The following CCDC91 variants were observed in gnomAD, a reference collection of about 807,000 sequenced individuals.
The protein encoded by CCDC91 is coiled-coil domain containing 91.
A neutral mutation model predicts 63.2 loss-of-function variants in CCDC91; 48 were observed. The ratio of observed to expected loss-of-function variants is 0.76; its 90% CI spans 0.60 to 0.97. The LOEUF is 0.97. CCDC91 is among the 50% of genes least tolerant of loss of function. The pLI is 0.00. For missense variants in CCDC91, 500 were observed against 494.6 expected, an observed-to-expected ratio of 1.01 and a Z score of -0.10; for synonymous variants, 167 against 165.8, an observed-to-expected ratio of 1.01 and a Z score of -0.06.
intron 8 of CCDC91, among the ~76,000 whole-genome samples, chr12:28,440,674 A>G (rs1002699126): frequency 6.6e-6 from 1 of 152,196 alleles, no homozygotes; most frequent in Non-Finnish European, 1.5e-5. Flanking sequence ...ACATTCATGA[A>G]ACATATATCT....
chr12:28,499,539 T>A (rs1278447012), intron 12 of CCDC91, among the ~76,000 whole-genome samples: 1 of 151,974 alleles, frequency 6.6e-6, no homozygotes, highest in Non-Finnish European at 1.5e-5. Context: ...AGATGTATGA[T>A]GTTCCCCTCC....
At chr12:28,352,266 T>C (rs559473266) in intron 6 of CCDC91, among the ~76,000 whole-genome samples, 1 of 152,316 alleles carries the variant, frequency 6.6e-6, no homozygotes, top group African/African-American at 2.4e-5. Flanking sequence ...TTGCTGAAGG[T>C]TGGTGTGGCT....
Position 28,315,962 on chromosome 12 carries a change from C to T in CCDC91, c.576+8213C>T, listed in dbSNP as rs371824383. Among the ~76,000 whole-genome samples the T allele has an allele frequency of 3.5e-4, 53 of 151,966 alleles. No homozygotes were observed. In the South Asian group the frequency reaches 8.3e-3, roughly 24 times the overall value. On this transcript the variant is annotated intron_variant, in intron 6 of 12. Coordinates refer to ENST00000536442, the MANE Select transcript of CCDC91 (RefSeq NM_018318.5). ...TCTTGGAGGCCTTTTCATAGTGACT[C>T]ATATAGAAATTCCTATTCTTTCTAT...
At chr12:28,295,844 G>A (rs562304080) in intron 3 of CCDC91, among the ~76,000 whole-genome samples, 281 of 151,980 alleles carry the variant, frequency 1.8e-3, no homozygotes, top group Non-Finnish European at 2.7e-3. Flanking sequence ...TTTAGCTTAA[G>A]GTGTGATATA....
At chr12:28,231,130 A>G (rs1211573927) in intron 1 of CCDC91, among the ~76,000 whole-genome samples, 1 of 152,200 alleles carries the variant, frequency 6.6e-6, no homozygotes, top group African/African-American at 2.4e-5. Context: ...ACAGATTTCT[A>G]ATGATACTTT....
At chr12:28,445,694 T>C (rs565678352) in intron 8 of CCDC91, among the ~76,000 whole-genome samples, 5 of 152,322 alleles carry the variant, frequency 3.3e-5, no homozygotes, top group African/African-American at 1.2e-4. Flanking sequence ...ACAACAGGAA[T>C]TTATATTTAC....
At chr12:28,518,465 G>A (rs1235186569) in intron 12 of CCDC91, among the ~76,000 whole-genome samples, 1 of 151,462 alleles carries the variant, frequency 6.6e-6, no homozygotes, top group East Asian at 1.9e-4. Flanking sequence ...TTTGATAATT[G>A]TGTAAAGTCC....
At chr12:28,276,792 T>A (rs551938344) in intron 3 of CCDC91, among the ~76,000 whole-genome samples, 1 of 152,182 alleles carries the variant, frequency 6.6e-6, no homozygotes, top group South Asian at 2.1e-4. Context: ...TTAAGATTTT[T>A]GTAAGCTAAC....
chr12:28,359,586 G>A (rs571820504), intron 6 of CCDC91, among the ~76,000 whole-genome samples: 1 of 152,246 alleles, frequency 6.6e-6, no homozygotes, highest in Non-Finnish European at 1.5e-5. Flanking sequence ...GTTTTAATAT[G>A]TGAATATATG....
chr12:28,549,031 T>G (rs1381247937), intron 12 of CCDC91, 32 bp from the exon 13 acceptor site: 2 of 1,410,716 alleles, frequency 1.4e-6, no homozygotes, highest in Non-Finnish European at 2.0e-6. Flanking sequence ...TTTTTTTTTC[T>G]CTTTCTCTCT....
chr12:28,484,068 C>CAAT lies in CCDC91; in HGVS notation c.1123_1125dup (p.Ile375dup), dbSNP rs1480842225. The CAAT allele has an allele frequency of 6.2e-7, 1 of 1,609,350 alleles. No individual in the cohort carries two copies. The highest frequency in any genetic ancestry group is 1.3e-5 in the African/African-American group (1 of 74,742). ...CACAAACAGGAAACTGTTAAGGCAG[C>CAAT]AATAATAGAAGAGCAGAAACGAAGT... On this transcript the variant is annotated inframe_insertion, in exon 12 of 13. Transcript: ENST00000536442.
chr12:28,542,651 A>G (rs1198042561), intron 12 of CCDC91, among the ~76,000 whole-genome samples: 1 of 152,010 alleles, frequency 6.6e-6, no homozygotes, highest in East Asian at 1.9e-4. Flanking sequence ...TTAGAGTCCA[A>G]ATTATTCTTA....
chr12:28,254,440 TA>T (rs1455513281), intron 1 of CCDC91, among the ~76,000 whole-genome samples: 1 of 152,208 alleles, frequency 6.6e-6, no homozygotes, highest in African/African-American at 2.4e-5. Context: ...AAATACTTGA[TA>T]AGAATGCACT....
intron 6 of CCDC91, among the ~76,000 whole-genome samples, chr12:28,349,168 AG>A (rs1267327369): frequency 1.3e-5 from 2 of 151,796 alleles, no homozygotes; most frequent in East Asian, 3.9e-4. Context: ...TATTTCTTTG[AG>A]GATGTTAATA....
intron 1 of CCDC91, among the ~76,000 whole-genome samples, chr12:28,239,111 C>G (rs1234338504): frequency 6.8e-6 from 1 of 147,722 alleles, no homozygotes; most frequent in East Asian, 2.0e-4. Flanking sequence ...CAGAGCGAGA[C>G]TCTGTCTCGG....
At chr12:28,277,677 T>C (rs1259499610) in intron 3 of CCDC91, among the ~76,000 whole-genome samples, 16 of 151,968 alleles carry the variant, frequency 1.1e-4, no homozygotes, top group Non-Finnish European at 1.5e-5. Flanking sequence ...ACCCTCCTCC[T>C]TTTTTTCACT....
At chr12:28,314,658 A>G (rs1177358044) in intron 6 of CCDC91, among the ~76,000 whole-genome samples, 1 of 152,084 alleles carries the variant, frequency 6.6e-6, no homozygotes, top group African/African-American at 2.4e-5. Flanking sequence ...AACACTCTGA[A>G]GATGTATCTT....
At chr12:28,435,928 T>C (rs1294135094) in intron 8 of CCDC91, among the ~76,000 whole-genome samples, 2 of 151,796 alleles carry the variant, frequency 1.3e-5, no homozygotes, top group Non-Finnish European at 3.0e-5. Flanking sequence ...AGTCTGTCTT[T>C]CTTTTAGTGT....
At chr12:28,224,740 C>CA (rs1944164254) in intron 1 of CCDC91, among the ~76,000 whole-genome samples, 1 of 152,154 alleles carries the variant, frequency 6.6e-6, no homozygotes, top group Non-Finnish European at 1.5e-5. Flanking sequence ...TCATGCTATT[C>CA]ACATTTCTGG....
Sources: allele counts gnomAD v4.1 joint callset (sites outside exome capture counted in the v4.1 genomes callset), GRCh38; gene constraint gnomAD v4.1.1; transcripts MANE v1.5; gene names NCBI Gene and HGNC (gene_info 2026-07-23, HGNC 2026-07-21).